Variants in PLEKHD1 observed in about 807,000 individuals in gnomAD.
PLEKHD1 encodes pleckstrin homology and coiled-coil domain containing D1.
Under a neutral mutation model 69.2 loss-of-function variants are expected in PLEKHD1, and 51 were observed. That is an observed-to-expected ratio of 0.74 (90% CI 0.59 to 0.93). The LOEUF (loss-of-function observed/expected upper bound fraction) is 0.93, where lower values mean the gene tolerates loss of function less well. Among genes scored for constraint, PLEKHD1 ranks in the 40% least tolerant of loss-of-function variants. The pLI is 0.00. For synonymous variants in PLEKHD1, 236 were observed against 244.7 expected, an observed-to-expected ratio of 0.96 and a Z score of 0.33; for missense variants, 584 against 641.0, an observed-to-expected ratio of 0.91 and a Z score of 0.96.
At chr14:69,509,663 C>T (rs1487716480) in intron 6 of PLEKHD1, among the ~76,000 whole-genome samples, 1 of 152,032 alleles carries the variant, frequency 6.6e-6, no homozygotes, top group Non-Finnish European at 1.5e-5. Flanking sequence ...TTAGGCCACG[C>T]ACGGTGGCTC....
intron 1 of PLEKHD1, among the ~76,000 whole-genome samples, chr14:69,492,849 A>G (rs968114794): frequency 1.3e-5 from 2 of 152,096 alleles, no homozygotes; most frequent in Non-Finnish European, 2.9e-5. Flanking sequence ...AGCTCACTGT[A>G]GCGTCGACCT....
intron 1 of PLEKHD1, among the ~76,000 whole-genome samples, chr14:69,485,356 A>G (rs542623063): frequency 6.6e-6 from 1 of 152,284 alleles, no homozygotes; most frequent in South Asian, 2.1e-4. Flanking sequence ...CTGACCCTCG[A>G]GTGGGAATGT....
intron 1 of PLEKHD1, among the ~76,000 whole-genome samples, chr14:69,490,856 C>T (rs1882763023): frequency 1.3e-5 from 2 of 152,160 alleles, no homozygotes; most frequent in African/African-American, 4.8e-5. Flanking sequence ...CCCTACATAG[C>T]CATTCTCAGT....
In PLEKHD1 at chr14:69,500,668, T is replaced by A; in HGVS notation, c.333+2T>A. On this transcript the variant is annotated splice_donor_variant, in intron 3 of 12. Coordinates refer to ENST00000322564, the MANE Select transcript of PLEKHD1 (RefSeq NM_001161498.2). LOFTEE classifies it high-confidence loss of function. The stretch of plus-strand genomic sequence containing the variant: ...AAGATCTCCCACCAGGACTTCCATG[T>A]GAGTAAAGCTCTTCCCTCAGCCTGG... 6.4e-7 allele frequency: 1 copy of A among 1,551,060 alleles called. No individual in the cohort carries two copies. Among genetic ancestry groups the A allele is most frequent in the Non-Finnish European group, 8.7e-7 (1 of 1,146,694 alleles).
At chr14:69,527,753 A>T in intron 11 of PLEKHD1, 30 bp from the exon 12 acceptor site, 4 of 1,550,844 alleles carry the variant, frequency 2.6e-6, no homozygotes, top group Non-Finnish European at 3.5e-6. Flanking sequence ...TGCAGTCGGA[A>T]CCCCACCCTT....
intron 6 of PLEKHD1, among the ~76,000 whole-genome samples, chr14:69,514,346 A>G (rs1011393512): frequency 3.3e-5 from 5 of 150,296 alleles, no homozygotes; most frequent in Non-Finnish European, 4.4e-5. Flanking sequence ...TTCCTCGGCC[A>G]TGTCCAGTCT....
At chr14:69,515,152 C>A (rs781067322) in intron 6 of PLEKHD1, among the ~76,000 whole-genome samples, 1 of 152,204 alleles carries the variant, frequency 6.6e-6, no homozygotes, top group Non-Finnish European at 1.5e-5. Context: ...GAGCCAAGAT[C>A]ACGCCACTGC....
chr14:69,518,255 G>T (rs1380948923), intron 6 of PLEKHD1, among the ~76,000 whole-genome samples: 1 of 151,978 alleles, frequency 6.6e-6, no homozygotes, highest in East Asian at 1.9e-4. Flanking sequence ...TGGCCAGGCT[G>T]CTCTTGAACT....
At position 69,500,607 on chromosome 14, in the gene PLEKHD1, G is replaced by C. The variant is rs779059681; in HGVS notation, c.274G>C (p.Glu92Gln). The stretch of plus-strand genomic sequence containing the variant: ...CATCCCTCTGGGGGGCTGCCTGGTG[G>C]AGCCCAAGGAAGAGCCTAGCATGCC... Reference protein sequence around the residue: ...GVIPLGGCLVEPKEEPSMPYA... With the variant: ...GVIPLGGCLVQPKEEPSMPYA... The change falls in exon 3 of 13, where the codon GAG becomes CAG. Residue 92 changes from glutamate to glutamine, a missense_variant. Coordinates refer to ENST00000322564, the MANE Select transcript of PLEKHD1 (RefSeq NM_001161498.2). 4 of 1,551,004 alleles carry C rather than the reference G, an allele frequency of 2.6e-6. No homozygotes were observed. The highest frequency in any genetic ancestry group is 4.9e-5 in the East Asian group (2 of 40,922).
chr14:69,492,604 C>T (rs1882800889), intron 1 of PLEKHD1, among the ~76,000 whole-genome samples: 1 of 152,182 alleles, frequency 6.6e-6, no homozygotes, highest in Admixed American at 6.5e-5. Flanking sequence ...CCTAGCTCCC[C>T]CATTCCCAGC....
intron 4 of PLEKHD1, chr14:69,501,501 G>A (rs1883023409): frequency 4.6e-6 from 2 of 435,136 alleles, no homozygotes; most frequent in African/African-American, 2.0e-5. Flanking sequence ...TGTTGGCCCA[G>A]CCCCCAGTGG....
At chr14:69,505,306 G>C (rs1291453659) in intron 6 of PLEKHD1, among the ~76,000 whole-genome samples, 1 of 152,186 alleles carries the variant, frequency 6.6e-6, no homozygotes, top group Non-Finnish European at 1.5e-5. Context: ...TTGCCACTGA[G>C]TCATTCAGTC....
intron 6 of PLEKHD1, among the ~76,000 whole-genome samples, chr14:69,508,787 A>T (rs1044697090): frequency 6.6e-6 from 1 of 152,230 alleles, no homozygotes; most frequent in Non-Finnish European, 1.5e-5. Context: ...ATTATCGGGT[A>T]ATTGTCAGTT....
rs1009059244 is a variant in PLEKHD1 at position 69,500,429 on chromosome 14, A to T, written c.244-148A>T. 14 of 706,994 alleles carry T rather than the reference A, an allele frequency of 2.0e-5. No homozygotes were observed. In the Admixed American group the frequency reaches 2.0e-4, roughly 10 times the overall value. The allele number at this position is 706,994 out of a possible 1,614,324, so 43.8% of individuals were successfully genotyped here. On this transcript the variant is annotated intron_variant, in intron 2 of 12. Coordinates refer to ENST00000322564, the MANE Select transcript of PLEKHD1 (RefSeq NM_001161498.2). Reference sequence around the variant, plus strand: ...CCAACCCTTCCTCTTCTCTCTGAACATCAGTTCTGGCCTCTGTCCCATGGC... The same window carrying T: ...CCAACCCTTCCTCTTCTCTCTGAACTTCAGTTCTGGCCTCTGTCCCATGGC...
chr14:69,473,019 G>A, the PLEKHD1 span, among the ~76,000 whole-genome samples: 12 of 152,126 alleles, frequency 7.9e-5, no homozygotes, highest in Non-Finnish European at 1.3e-4. Context: ...ATCCATCACC[G>A]TCTCCCATCA....
At chr14:69,521,720 C>T (rs1346445308) in intron 6 of PLEKHD1, among the ~76,000 whole-genome samples, 1 of 152,206 alleles carries the variant, frequency 6.6e-6, no homozygotes, top group Non-Finnish European at 1.5e-5. Context: ...GCCTGTCCTG[C>T]ACTTTCTAGT....
intron 1 of PLEKHD1, among the ~76,000 whole-genome samples, chr14:69,499,080 A>G (rs1473974790): frequency 2.0e-5 from 3 of 152,148 alleles, no homozygotes; most frequent in Non-Finnish European, 4.4e-5. Context: ...GCATGGTGCA[A>G]ATACTCCCAT....
chr14:69,498,905 C>T (rs1882958661), intron 1 of PLEKHD1, among the ~76,000 whole-genome samples: 1 of 152,084 alleles, frequency 6.6e-6, no homozygotes, highest in Non-Finnish European at 1.5e-5. Context: ...GCCTCAGCCT[C>T]CCAAAATGCT....
chr14:69,479,472 G>C, the PLEKHD1 span, among the ~76,000 whole-genome samples: 3 of 152,084 alleles, frequency 2.0e-5, no homozygotes, highest in South Asian at 2.1e-4. Context: ...CTGTTGGTGG[G>C]AAGAGTCACC....
Sources: gnomAD v4.1 joint callset for allele counts (sites outside exome capture counted in the v4.1 genomes callset) on GRCh38, gnomAD v4.1.1 for gene constraint, MANE v1.5 for transcripts, NCBI Gene and HGNC (gene_info 2026-07-23, HGNC 2026-07-21) for gene names.